Variants in ZNF655 observed in about 807,000 individuals in gnomAD.
ZNF655 encodes the protein zinc finger protein 655.
A neutral mutation model predicts 6.6 loss-of-function variants in ZNF655; 3 were observed. The ratio of observed to expected loss-of-function variants is 0.46; its 90% CI spans 0.21 to 1.18. ZNF655 has a LOEUF of 1.18. ZNF655 is among the 50% of genes most tolerant of loss of function. ZNF655 has a pLI of 0.24. For synonymous variants in ZNF655, 178 were observed against 195.0 expected, an observed-to-expected ratio of 0.91 and a Z score of 0.73; for missense variants, 526 against 572.3, an observed-to-expected ratio of 0.92 and a Z score of 0.83.
In ZNF655 at chr7:99,572,476, T is replaced by C; in HGVS notation, c.368T>C (p.Phe123Ser). Residue 123 changes from phenylalanine to serine, a missense_variant, in exon 3 of 3, where the codon TTC (phenylalanine) becomes TCC (serine). By Grantham distance (155) the Phe-to-Ser change is radical (BLOSUM62 -2). Transcript: ENST00000252713. ...CAAATAACAATCAGCAAGGAAACCTTCACCAGTGAGAAGAACAATGAATGT... is the reference window on the plus strand; with the variant it reads ...CAAATAACAATCAGCAAGGAAACCTCCACCAGTGAGAAGAACAATGAATGT... ...FRQITISKET[F>S]TSEKNNECHE... The C allele has an allele frequency of 6.2e-7, 1 of 1,613,922 alleles. No homozygotes were observed.
intron 2 of ZNF655, 131 bp from the exon 3 acceptor site, chr7:99,572,113 CT>C (rs1412934382): frequency 8.1e-6 from 8 of 990,132 alleles, no homozygotes; most frequent in Non-Finnish European, 1.1e-5. Flanking sequence ...GATTTTGTGC[CT>C]GTTTTTCAGA....
Position 99,576,040 on chromosome 7 carries a change from G to A in ZNF655, c.*2456G>A, listed in dbSNP as rs774457554. On this transcript the variant is annotated 3_prime_UTR_variant, in exon 3 of 3. Transcript: ENST00000252713. ...TTCTTGTTGTCAGTCCAGCAATTGAGGCTTTCATAGTTCAGTGTTATAATA... is the reference window on the plus strand; with the variant it reads ...TTCTTGTTGTCAGTCCAGCAATTGAAGCTTTCATAGTTCAGTGTTATAATA... The A allele has an allele frequency of 1.7e-4, 26 of 152,114 alleles. No individual in the cohort carries two copies. The highest frequency in any genetic ancestry group is 1.5e-4 in the Non-Finnish European group (10 of 68,022). The allele number at this position is 152,114 out of a possible 1,614,324, so 9.4% of individuals were successfully genotyped here.
chr7:99,562,932 G>T (rs755816839), intron 2 of ZNF655, among the ~76,000 whole-genome samples: 2 of 152,088 alleles, frequency 1.3e-5, no homozygotes, highest in Non-Finnish European at 2.9e-5. Context: ...AAGAAATGCC[G>T]TTTATTTAAA....
chr7:99,561,230 C>T (rs768167522), intron 2 of ZNF655, among the ~76,000 whole-genome samples: 5 of 152,236 alleles, frequency 3.3e-5, no homozygotes, highest in Admixed American at 2.0e-4. Flanking sequence ...TTTGACTACG[C>T]AGTCACACTT....
rs199546890 is a variant in ZNF655 at position 99,573,420 on chromosome 7, T to C, written c.1312T>C (p.Cys438Arg). The change falls in exon 3 of 3, where the codon TGT becomes CGT. Residue 438 changes from cysteine to arginine, a missense_variant. Physicochemically the swap from Cys to Arg is radical, Grantham distance 180 (BLOSUM62 -3). Transcript: ENST00000252713. ...KMHRKEKSYE[C>R]NEYEGSFSHS... Reference sequence around the variant, plus strand: ...GCATAGGAAAGAGAAATCGTATGAATGTAATGAGTATGAGGGCAGTTTCAG... The same window carrying C: ...GCATAGGAAAGAGAAATCGTATGAACGTAATGAGTATGAGGGCAGTTTCAG... 6.8e-6 allele frequency: 11 copies of C among 1,614,104 alleles called. No individual in the cohort carries two copies. The Admixed American group carries it at 1.3e-4, about 20-fold the overall frequency.
In ZNF655 at chr7:99,573,904, A is replaced by G; in HGVS notation, c.*320A>G. 1 of 274,352 alleles carries G rather than the reference A, an allele frequency of 3.6e-6. No homozygotes were observed. Among genetic ancestry groups the G allele is most frequent in the Non-Finnish European group, 6.9e-6 (1 of 145,682 alleles). The allele number at this position is 274,352 out of a possible 1,614,324, so 17.0% of individuals were successfully genotyped here. On this transcript the variant is annotated 3_prime_UTR_variant, in exon 3 of 3. Coordinates refer to ENST00000252713, the MANE Select transcript of ZNF655 (RefSeq NM_138494.3). ...GTCACATTTGGAGAATTCACATGGG[A>G]ATAAAATTCCATTGCTGCAATGAAT...
chr7:99,571,147 G>C (rs1804036433), intron 2 of ZNF655: 1 of 956,352 alleles, frequency 1.0e-6, no homozygotes, highest in African/African-American at 1.7e-5. Context: ...CACTCCTAAT[G>C]GGTAAGAATG....
intron 2 of ZNF655, among the ~76,000 whole-genome samples, chr7:99,568,444 G>C (rs546259884): frequency 4.6e-5 from 7 of 151,890 alleles, no homozygotes; most frequent in African/African-American, 1.7e-4. Flanking sequence ...TAGAGACAGG[G>C]TTTCACCGTG....
chr7:99,571,516 C>T, intron 2 of ZNF655: 2 of 1,112,294 alleles, frequency 1.8e-6, no homozygotes, highest in Non-Finnish European at 1.2e-6. Context: ...CCCTCTAGAG[C>T]ACAAATCTGA....
At chr7:99,571,385 A>G (rs1051406372) in intron 2 of ZNF655, 36 of 1,237,548 alleles carry the variant, frequency 2.9e-5, no homozygotes, top group Non-Finnish European at 3.7e-5. Flanking sequence ...TTTAGGTAAC[A>G]GATGGAGAGT....
chr7:99,571,415 A>G (rs1804060883), intron 2 of ZNF655: 2 of 1,232,452 alleles, frequency 1.6e-6, no homozygotes, highest in Admixed American at 3.2e-5. Context: ...AACTTCTGTG[A>G]AGACAAACCC....
At chr7:99,565,591 C>T (rs750121616) in intron 2 of ZNF655, among the ~76,000 whole-genome samples, 10 of 152,066 alleles carry the variant, frequency 6.6e-5, no homozygotes, top group African/African-American at 1.2e-4. Flanking sequence ...AAGTAATTTT[C>T]GTTACCACAT....
At chr7:99,567,000 A>G (rs1179153327) in intron 2 of ZNF655, among the ~76,000 whole-genome samples, 2 of 151,854 alleles carry the variant, frequency 1.3e-5, no homozygotes, top group African/African-American at 2.4e-5. Context: ...GCTCACTGCA[A>G]CCTCCGCCTC....
intron 2 of ZNF655, chr7:99,571,444 C>G (rs573678606): frequency 8.0e-7 from 1 of 1,249,452 alleles, no homozygotes; most frequent in African/African-American, 1.5e-5. Flanking sequence ...ATTCTGTTGT[C>G]TGAATAATAT....
At chr7:99,571,733 A>T in intron 2 of ZNF655, 3 of 1,610,694 alleles carry the variant, frequency 1.9e-6, no homozygotes, top group Non-Finnish European at 2.5e-6. Context: ...CTGGAACAGG[A>T]TCTACAGGTC....
At chr7:99,562,312 G>C in intron 2 of ZNF655, 1 of 1,601,964 alleles carries the variant, frequency 6.2e-7, no homozygotes, top group East Asian at 2.2e-5. Flanking sequence ...TTCATTCTCT[G>C]GCCATGGTGC....
chr7:99,563,079 A>G (rs1803330796), intron 2 of ZNF655: 1 of 375,156 alleles, frequency 2.7e-6, no homozygotes, highest in Non-Finnish European at 5.5e-6. Flanking sequence ...GTCACCCAGA[A>G]TGGTAATCCC....
At chr7:99,560,208 C>T (rs1045434026) in intron 1 of ZNF655, among the ~76,000 whole-genome samples, 8 of 151,866 alleles carry the variant, frequency 5.3e-5, no homozygotes, top group Admixed American at 2.0e-4. Context: ...CCTCAGCCTC[C>T]CGAATAGCTG....
chr7:99,572,673 T>C lies in ZNF655; in HGVS notation c.565T>C (p.Cys189Arg). 1.9e-6 allele frequency: 3 copies of C among 1,613,724 alleles called. No homozygotes were observed. Among genetic ancestry groups the C allele is most frequent in the South Asian group, 1.1e-5 (1 of 91,058 alleles). Residue 189 changes from cysteine to arginine, a missense_variant, in exon 3 of 3, where the codon TGT becomes CGT. Coordinates refer to ENST00000252713, the MANE Select transcript of ZNF655 (RefSeq NM_138494.3). Reference sequence around the variant, plus strand: ...AACAGAGGATTTTCAGAGTAGTGAATGTAAGGAAAGCTTAATGGATCTCTC... The same window carrying C: ...AACAGAGGATTTTCAGAGTAGTGAACGTAAGGAAAGCTTAATGGATCTCTC... The part of the protein sequence containing the change: ...NLTEDFQSSE[C>R]KESLMDLSHL...
Sources: allele counts gnomAD v4.1 joint callset (sites outside exome capture counted in the v4.1 genomes callset), GRCh38; gene constraint gnomAD v4.1.1; transcripts MANE v1.5; gene names NCBI Gene and HGNC (gene_info 2026-07-23, HGNC 2026-07-21).